Variants in KLHL6 observed in about 807,000 individuals in gnomAD.
KLHL6 encodes the protein kelch like family member 6, also known as kelch-like protein 6.
Under a neutral mutation model 58.6 loss-of-function variants are expected in KLHL6, and 41 were observed. The ratio of observed to expected loss-of-function variants is 0.70; its 90% CI spans 0.55 to 0.91. The LOEUF (loss-of-function observed/expected upper bound fraction) is 0.91. Among genes scored for constraint, KLHL6 ranks in the 40% least tolerant of loss-of-function variants. The pLI, the probability that KLHL6 is intolerant of heterozygous loss-of-function variation, is 0.00. For synonymous variants in KLHL6, 338 were observed against 322.7 expected, an observed-to-expected ratio of 1.05 and a Z score of -0.51; for missense variants, 714 against 805.6, an observed-to-expected ratio of 0.89 and a Z score of 1.38.
intron 2 of KLHL6, chr3:183,520,377 T>C (rs6809608): frequency 0.51 from 77,592 of 151,600 alleles, 20,484 homozygotes; most frequent in Non-Finnish European, 0.58. Context: ...TCCTCCACAC[T>C]TGTGGGTATT....
rs552611682 is a variant in KLHL6, at chr3:183,513,679, A to G, written c.460-5171T>C. ...AATTCATCCATCCAGCTACCTGTGT[A>G]TGGACCGAATGTGAATTGAGCATGT... On this transcript the variant is annotated intron_variant, in intron 2 of 6. Transcript: ENST00000341319. Among the ~76,000 whole-genome samples the G allele has an allele frequency of 5.9e-5, 9 of 152,110 alleles. No individual in the cohort carries two copies. In the South Asian group the frequency reaches 1.7e-3, roughly 28 times the overall value.
chr3:183,537,775 A>G (rs1431137500), intron 1 of KLHL6, among the ~76,000 whole-genome samples: 3 of 150,404 alleles, frequency 2.0e-5, no homozygotes, highest in African/African-American at 7.3e-5. Flanking sequence ...TCTCCCCGAC[A>G]CTCCCCCTAA....
intron 2 of KLHL6, among the ~76,000 whole-genome samples, chr3:183,512,110 A>T (rs1718204450): frequency 6.6e-6 from 1 of 152,210 alleles, no homozygotes; most frequent in African/African-American, 2.4e-5. Flanking sequence ...ACAAAGACCA[A>T]GCCTCGTGAG....
At chr3:183,509,122 G>A (rs1718107498) in intron 2 of KLHL6, among the ~76,000 whole-genome samples, 1 of 152,008 alleles carries the variant, frequency 6.6e-6, no homozygotes, top group African/African-American at 2.4e-5. Flanking sequence ...AGAAGGAGAG[G>A]GAGAACCTAA....
intron 1 of KLHL6, among the ~76,000 whole-genome samples, chr3:183,539,093 C>T (rs116776552): frequency 4.6e-5 from 7 of 152,304 alleles, no homozygotes; most frequent in African/African-American, 1.4e-4. Flanking sequence ...AATTCCTTTG[C>T]AAAGCAAACT....
Position 183,489,082 on chromosome 3 carries a change from T to C in KLHL6, c.*2845A>G, listed in dbSNP as rs1348093835. On this transcript the variant is annotated 3_prime_UTR_variant, in exon 7 of 7. Coordinates refer to ENST00000341319, the MANE Select transcript of KLHL6 (RefSeq NM_130446.4). ...GCACAGAAATCCCAAATCCTCACTT[T>C]CCCAGCATAGGGTTGACCTGCTGAT... The C allele has an allele frequency of 6.6e-6, 1 of 152,194 alleles. No individual in the cohort carries two copies. Among genetic ancestry groups the C allele is most frequent in the Admixed American group, 6.5e-5 (1 of 15,280 alleles). 9.4% of individuals were successfully genotyped at this position (152,194 alleles called of 1,614,324 possible). A position where few individuals can be genotyped will look rare whatever the true frequency, so the allele number is the denominator to read the frequency against.
At chr3:183,540,719 C>G (rs1272798257) in intron 1 of KLHL6, among the ~76,000 whole-genome samples, 5 of 152,156 alleles carry the variant, frequency 3.3e-5, no homozygotes, top group African/African-American at 4.8e-5. Flanking sequence ...GATGATTACC[C>G]TAAGCTCTCC....
At chr3:183,514,008 A>T (rs1194676861) in intron 2 of KLHL6, among the ~76,000 whole-genome samples, 2 of 152,148 alleles carry the variant, frequency 1.3e-5, no homozygotes, top group Non-Finnish European at 2.9e-5. Flanking sequence ...GCTGAGAATG[A>T]TGGCTTCCAG....
At chr3:183,513,607 G>C (rs549893440) in intron 2 of KLHL6, among the ~76,000 whole-genome samples, 103 of 152,320 alleles carry the variant, frequency 6.8e-4, no homozygotes, top group Non-Finnish European at 1.2e-3. Flanking sequence ...ATCAAGTACT[G>C]AAGCTCACAT....
intron 2 of KLHL6, 120 bp downstream of exon 2, chr3:183,527,723 CGT>C (rs146293695): frequency 0.019 from 11,581 of 594,162 alleles, no homozygotes; most frequent in South Asian, 0.027. Context: ...TGTTTGTGTG[CGT>C]GTGTGTGTGT....
At chr3:183,502,300 C>T (rs1560093449) in intron 3 of KLHL6, among the ~76,000 whole-genome samples, 1 of 107,838 alleles carries the variant, frequency 9.3e-6, no homozygotes, top group African/African-American at 3.2e-5. Context: ...GAAACTCCAT[C>T]TCAAAAAAAA....
chr3:183,497,036 T>C (rs1401370210), intron 4 of KLHL6, among the ~76,000 whole-genome samples: 1 of 152,002 alleles, frequency 6.6e-6, no homozygotes, highest in Non-Finnish European at 1.5e-5. Flanking sequence ...CCCAGCACTT[T>C]GGGAGACCGA....
intron 2 of KLHL6, 80 bp downstream of exon 2, chr3:183,527,765 G>A: frequency 1.5e-6 from 2 of 1,293,132 alleles, no homozygotes; most frequent in Non-Finnish European, 2.2e-6. Context: ...AGGCCTGGGA[G>A]CTAGACCAGG....
At chr3:183,554,540 G>C (rs191078277) in intron 1 of KLHL6, among the ~76,000 whole-genome samples, 65 of 152,168 alleles carry the variant, frequency 4.3e-4, no homozygotes, top group African/African-American at 1.0e-3. Context: ...CCAGTTTATC[G>C]TAACTAGAGG....
At chr3:183,536,495 C>T (rs1712371378) in intron 1 of KLHL6, among the ~76,000 whole-genome samples, 1 of 152,192 alleles carries the variant, frequency 6.6e-6, no homozygotes, top group Admixed American at 6.5e-5. Flanking sequence ...TGTTGGCAGG[C>T]AGAGGAGGGA....
Position 183,490,040 on chromosome 3 carries a change from C to CT in KLHL6, c.*1886dup, listed in dbSNP as rs535866898. On this transcript the variant is annotated 3_prime_UTR_variant, in exon 7 of 7. Coordinates refer to ENST00000341319, the MANE Select transcript of KLHL6 (RefSeq NM_130446.4). ...AGTTACTATGTTGTTATCATTGTTG[C>CT]TTTTTAAATACAGCATATGAAACAG... 16 of 152,266 alleles carry CT rather than the reference C, an allele frequency of 1.1e-4. No individual in the cohort carries two copies. The highest frequency in any genetic ancestry group is 3.9e-4 in the African/African-American group (16 of 41,548). The allele number at this position is 152,266 out of a possible 1,614,324, so 9.4% of individuals were successfully genotyped here.
intron 1 of KLHL6, among the ~76,000 whole-genome samples, chr3:183,545,313 C>T (rs1278065377): frequency 6.6e-6 from 1 of 152,228 alleles, no homozygotes; most frequent in Non-Finnish European, 1.5e-5. Flanking sequence ...CACAAAGGCT[C>T]TGCATGTGGC....
intron 1 of KLHL6, among the ~76,000 whole-genome samples, chr3:183,554,063 A>AGTTAAGAAGAATCTC (rs1464896985): frequency 6.6e-6 from 1 of 152,130 alleles, no homozygotes; most frequent in Admixed American, 6.6e-5. Flanking sequence ...CAGAATCAAG[A>AGTTAAGAAGAATCTC]GTTAAGAAGA....
At chr3:183,496,874 G>A (rs929598648) in intron 4 of KLHL6, among the ~76,000 whole-genome samples, 4 of 152,140 alleles carry the variant, frequency 2.6e-5, no homozygotes, top group African/African-American at 7.2e-5. Context: ...ACAGTGGCTC[G>A]CACCTGTAAT....
Sources: gnomAD v4.1 joint callset for allele counts (sites outside exome capture counted in the v4.1 genomes callset) on GRCh38, gnomAD v4.1.1 for gene constraint, MANE v1.5 for transcripts, NCBI Gene and HGNC (gene_info 2026-07-23, HGNC 2026-07-21) for gene names.